Variants in GRIN2B observed in about 807,000 individuals in gnomAD.
GRIN2B encodes the protein glutamate ionotropic receptor NMDA type subunit 2B.
Under a neutral mutation model 114.5 loss-of-function variants are expected in GRIN2B, and 5 were observed. That is an observed-to-expected ratio of 0.04 (90% CI 0.02 to 0.09). The LOEUF (loss-of-function observed/expected upper bound fraction) is 0.09, where lower values mean the gene tolerates loss of function less well. Ranked by LOEUF, GRIN2B falls within the 10% of genes least tolerant of loss-of-function variation. The pLI is 1.00. For synonymous variants in GRIN2B, 787 were observed against 745.1 expected (o/e 1.06, Z -0.92); for missense variants, 1,108 against 1,943.5 (o/e 0.57, Z 8.08).
chr12:13,864,285 G>C (rs950855895), intron 3 of GRIN2B, among the ~76,000 whole-genome samples: 1 of 152,156 alleles, frequency 6.6e-6, no homozygotes, highest in Non-Finnish European at 1.5e-5. Flanking sequence ...TGGCGGTAAC[G>C]GTCATGCAAG....
intron 10 of GRIN2B, among the ~76,000 whole-genome samples, chr12:13,582,085 T>C (rs78299198): frequency 0.035 from 5,335 of 152,208 alleles, 334 homozygotes; most frequent in African/African-American, 0.12. Flanking sequence ...AGAAATAAGG[T>C]ATAGCATCTC....
chr12:13,837,674 T>C lies in GRIN2B; in HGVS notation c.411+28124A>G, dbSNP rs1865299236. Among the ~76,000 whole-genome samples the C allele has an allele frequency of 2.6e-5, 4 of 152,206 alleles. No homozygotes were observed. The South Asian group carries it at 8.3e-4, about 32-fold the overall frequency. ...TTTTGACTTTCAAATTCACTGTCCT[T>C]AACCATGGCCTTCCTCTCGATGGTG... is the stretch of plus-strand genomic sequence containing the variant. On this transcript the variant is annotated intron_variant, in intron 3 of 13. Coordinates refer to ENST00000609686, the MANE Select transcript of GRIN2B (RefSeq NM_000834.5).
chr12:13,932,900 T>C (rs1222035139), intron 2 of GRIN2B, among the ~76,000 whole-genome samples: 2 of 152,166 alleles, frequency 1.3e-5, no homozygotes, highest in Non-Finnish European at 1.5e-5. Flanking sequence ...TATTTCTTCA[T>C]TGGTATTCCA....
At chr12:13,709,201 C>T (rs898669876) in intron 4 of GRIN2B, among the ~76,000 whole-genome samples, 3 of 151,890 alleles carry the variant, frequency 2.0e-5, no homozygotes, top group Non-Finnish European at 4.4e-5. Context: ...AAAGTGTCAC[C>T]AAACTGAGTG....
intron 3 of GRIN2B, among the ~76,000 whole-genome samples, chr12:13,845,324 T>C (rs61228216): frequency 0.01 from 1,537 of 152,274 alleles, 31 homozygotes; most frequent in African/African-American, 0.036. Context: ...AATATCAATA[T>C]ATTTCATTAA....
chr12:13,863,433 A>T (rs1865779207), intron 3 of GRIN2B, among the ~76,000 whole-genome samples: 1 of 152,222 alleles, frequency 6.6e-6, no homozygotes, highest in East Asian at 1.9e-4. Context: ...GAGACAAGAG[A>T]GTACACAGCC....
rs888561254 is a variant in GRIN2B, at chr12:13,557,602, A to G, written c.*5181T>C. 2 of 152,248 alleles carry G rather than the reference A, an allele frequency of 1.3e-5. No individual in the cohort carries two copies. The highest frequency in any genetic ancestry group is 4.8e-5 in the African/African-American group (2 of 41,452). 9.4% of individuals were successfully genotyped at this position (152,248 alleles called of 1,614,324 possible). A position where few individuals can be genotyped will look rare whatever the true frequency, so the allele number is the denominator to read the frequency against. Reference sequence around the variant, plus strand: ...AGATACTGAATTTAGAAATTCATAAATTATACACTCATATGATTGTGTATT... The same window carrying G: ...AGATACTGAATTTAGAAATTCATAAGTTATACACTCATATGATTGTGTATT... On this transcript the variant is annotated 3_prime_UTR_variant, in exon 14 of 14. Transcript: ENST00000609686.
chr12:13,844,002 C>T (rs1308492227), intron 3 of GRIN2B, among the ~76,000 whole-genome samples: 1 of 152,200 alleles, frequency 6.6e-6, no homozygotes, highest in Non-Finnish European at 1.5e-5. Context: ...CTCATTATCA[C>T]CTCAGTGAGA....
intron 2 of GRIN2B, among the ~76,000 whole-genome samples, chr12:13,939,954 C>T (rs219904): frequency 0.45 from 68,601 of 151,910 alleles, 15,708 homozygotes; most frequent in East Asian, 0.52. Context: ...GCATTAGGTA[C>T]GGCATCAAGG....
intron 4 of GRIN2B, among the ~76,000 whole-genome samples, chr12:13,677,243 T>C (rs1430705133): frequency 3.3e-5 from 5 of 152,218 alleles, no homozygotes; most frequent in Non-Finnish European, 7.3e-5. Context: ...ATCTTGTAAC[T>C]GCAGTGAGGA....
intron 3 of GRIN2B, among the ~76,000 whole-genome samples, chr12:13,769,461 G>A (rs773603161): frequency 7.2e-5 from 11 of 152,040 alleles, no homozygotes; most frequent in African/African-American, 1.7e-4. Context: ...TCCCAGGCAC[G>A]TCTCTGGAGC....
intron 2 of GRIN2B, among the ~76,000 whole-genome samples, chr12:13,923,907 T>A (rs189477049): frequency 4.2e-4 from 64 of 152,266 alleles, no homozygotes; most frequent in African/African-American, 1.3e-3. Flanking sequence ...TCACCTACAT[T>A]GCTTTTGGGC....
At chr12:13,649,664 T>C (rs1427225333) in intron 5 of GRIN2B, among the ~76,000 whole-genome samples, 2 of 152,094 alleles carry the variant, frequency 1.3e-5, no homozygotes, top group African/African-American at 2.4e-5. Flanking sequence ...TTGATATTTA[T>C]ATCAAGATAT....
chr12:13,821,164 TC>T (rs1008399886), intron 3 of GRIN2B, among the ~76,000 whole-genome samples: 3 of 152,086 alleles, frequency 2.0e-5, no homozygotes, highest in African/African-American at 7.2e-5. Flanking sequence ...TCCCGCTCTG[TC>T]CCCTACCCTA....
chr12:13,643,250 T>C (rs1299253407), intron 5 of GRIN2B, among the ~76,000 whole-genome samples: 1 of 152,146 alleles, frequency 6.6e-6, no homozygotes, highest in Non-Finnish European at 1.5e-5. Context: ...ACAGGTTTGG[T>C]TCTAGACCAC....
chr12:13,547,972 T>C lies in GRIN2B; in HGVS notation c.*14811A>G. On this transcript the variant is annotated 3_prime_UTR_variant, in exon 14 of 14. Coordinates refer to ENST00000609686, the MANE Select transcript of GRIN2B (RefSeq NM_000834.5). Reference sequence around the variant, plus strand: ...ATGTATGTGTGTGTATATATATATATATATATATATTTTTTTTTTTTTTCT... The same window carrying C: ...ATGTATGTGTGTGTATATATATATACATATATATATTTTTTTTTTTTTTCT... 1.4e-5 allele frequency: 1 copy of C among 73,282 alleles called. No individual in the cohort carries two copies. The highest frequency in any genetic ancestry group is 3.7e-4 in the East Asian group (1 of 2,736). 4.5% of individuals were successfully genotyped at this position (73,282 alleles called of 1,614,324 possible).
intron 2 of GRIN2B, among the ~76,000 whole-genome samples, chr12:13,978,142 A>T (rs148891034): frequency 2.6e-5 from 4 of 152,276 alleles, no homozygotes; most frequent in East Asian, 3.9e-4. Context: ...TGCCCCATCA[A>T]TGCCCTCCTC....
intron 2 of GRIN2B, among the ~76,000 whole-genome samples, chr12:13,920,692 G>A (rs1866808370): frequency 6.6e-6 from 1 of 152,188 alleles, no homozygotes; most frequent in South Asian, 2.1e-4. Flanking sequence ...ACGTCACTTT[G>A]ATGTTGGCCT....
At position 13,771,748 on chromosome 12, in the gene GRIN2B, C is replaced by T. The variant is rs543652773; in HGVS notation, c.412-17833G>A. 5.9e-5 allele frequency among the ~76,000 whole-genome samples: 9 copies of T among 152,332 alleles called. No homozygotes were observed. The South Asian group carries it at 6.2e-4, about 11-fold the overall frequency. On this transcript the variant is annotated intron_variant, in intron 3 of 13. Transcript: ENST00000609686. ...ACCACATATTATAGCCAAGAATATA[C>T]GTGAGGATGCGTTTCATTTCATATT...
Sources: allele counts gnomAD v4.1 joint callset (sites outside exome capture counted in the v4.1 genomes callset), GRCh38; gene constraint gnomAD v4.1.1; transcripts MANE v1.5; gene names NCBI Gene and HGNC (gene_info 2026-07-23, HGNC 2026-07-21).